Variants in ERVK3-1 observed in about 807,000 individuals in gnomAD.
ERVK3-1 encodes the protein HERV-K(HML6-1).
chr19:58,314,915 G>A, exon 4 of ERVK3-1: 1 of 394,516 alleles, frequency 2.5e-6, no homozygotes, highest in Non-Finnish European at 4.5e-6. Flanking sequence ...ACAGCAAACT[G>A]TTCTCATGAA....
At chr19:58,307,658 A>G (rs975452471) in intron 2 of ERVK3-1, among the ~76,000 whole-genome samples, 9 of 151,512 alleles carry the variant, frequency 5.9e-5, no homozygotes, top group Non-Finnish European at 1.0e-4. Flanking sequence ...AGAAAAAAAA[A>G]CACCAGGACT....
In ERVK3-1 at chr19:58,312,458, G is replaced by T. The variant is rs181975839; in HGVS notation, c.290G>T (p.Cys97Phe). 2.5e-6 allele frequency: 1 copy of T among 400,114 alleles called. No homozygotes were observed. The highest frequency in any genetic ancestry group is 4.4e-6 in the Non-Finnish European group (1 of 226,072). 24.8% of individuals were successfully genotyped at this position (400,114 alleles called of 1,614,324 possible). A position where few individuals can be genotyped will look rare whatever the true frequency, so the allele number is the denominator to read the frequency against. The change falls in exon 3 of 4, where the codon TGT becomes TTT. Residue 97 changes from cysteine to phenylalanine, a missense_variant. Physicochemically the swap from Cys to Phe is radical, Grantham distance 205 (BLOSUM62 -2). Coordinates refer to ENST00000413518, the Ensembl canonical transcript of ERVK3-1. The surrounding 1 kb of genome is among the most constrained non-coding windows in gnomAD (Gnocchi z 4.7). The stretch of plus-strand genomic sequence containing the variant: ...TTGGCCATGCTAGCTGTAGTGTCCT[G>T]TGCGGTATGTTTCCCCTGTGTAGAG...
At chr19:58,307,629 C>T (rs1354073774) in intron 2 of ERVK3-1, among the ~76,000 whole-genome samples, 2 of 150,296 alleles carry the variant, frequency 1.3e-5, no homozygotes, top group Non-Finnish European at 3.0e-5. Flanking sequence ...CCGCCCCGCT[C>T]CCCCCAACAC....
chr19:58,316,662 T>C, downstream of ERVK3-1, among the ~76,000 whole-genome samples: 1 of 152,158 alleles, frequency 6.6e-6, no homozygotes. Context: ...CGAGCGAAAC[T>C]CTGTCTCAAA....
At position 58,313,440 on chromosome 19, in the gene ERVK3-1, C is replaced by T. The variant is rs1287156268; in HGVS notation, c.294+978C>T. ...AGCTGGGATTACAGGCACCCGCCAC[C>T]GTGCCAGGCTATTTTTTGTTTTTTG... On this transcript the variant is annotated intron_variant, in intron 3 of 3. Coordinates refer to ENST00000413518, the Ensembl canonical transcript of ERVK3-1. The surrounding 1 kb of genome is among the most constrained non-coding windows in gnomAD (Gnocchi z 4.5). Among the ~76,000 whole-genome samples the T allele has an allele frequency of 3.9e-5, 6 of 152,120 alleles. No homozygotes were observed. Among genetic ancestry groups the T allele is most frequent in the Non-Finnish European group, 7.3e-5 (5 of 68,034 alleles).
At chr19:58,316,318 CCT>C (rs1568535382), downstream of ERVK3-1, among the ~76,000 whole-genome samples, 1 of 152,098 alleles carries the variant, frequency 6.6e-6, no homozygotes. Context: ...TGAGGCCACC[CCT>C]CTCTTTAAAC....
chr19:58,312,430 T>A lies in ERVK3-1; in HGVS notation c.262T>A (p.Phe88Ile), dbSNP rs2051562505. Residue 88 changes from phenylalanine to isoleucine, a missense_variant, in exon 3 of 4, where the codon TTC becomes ATC. Transcript: ENST00000413518. The surrounding 1 kb of genome is among the most constrained non-coding windows in gnomAD (Gnocchi z 4.7). ...TCAGGCAAAAACCCCTGACTCCATG[T>A]TCTTGGCCATGCTAGCTGTAGTGTC... is the stretch of plus-strand genomic sequence containing the variant. 2.5e-6 allele frequency: 1 copy of A among 400,116 alleles called. No homozygotes were observed. Among genetic ancestry groups the A allele is most frequent in the African/African-American group, 2.1e-5 (1 of 48,640 alleles). The allele number at this position is 400,116 out of a possible 1,614,324, so 24.8% of individuals were successfully genotyped here.
chr19:58,313,208 G>GT lies in ERVK3-1; in HGVS notation c.294+747dup, dbSNP rs2051568271. On this transcript the variant is annotated intron_variant, in intron 3 of 3. Transcript: ENST00000413518. This position sits in a 1 kb window ranked among gnomAD's most constrained non-coding sequence, Gnocchi z 4.5. ...TGGGTCAGAACATTATCCAACAATA[G>GT]TAATATTACTCAACACAGTTTTAAT... is the stretch of plus-strand genomic sequence containing the variant. 1 of 152,174 alleles carries GT rather than the reference G, an allele frequency of 6.6e-6. No individual in the cohort carries two copies. Among genetic ancestry groups the GT allele is most frequent in the Admixed American group, 6.5e-5 (1 of 15,272 alleles). 9.4% of individuals were successfully genotyped at this position (152,174 alleles called of 1,614,324 possible). A position where few individuals can be genotyped will look rare whatever the true frequency, so the allele number is the denominator to read the frequency against.
In ERVK3-1 at chr19:58,314,139, G is replaced by A. The variant is rs535583868; in HGVS notation, c.295-609G>A. Among the ~76,000 whole-genome samples, 3 of 152,290 alleles carry A rather than the reference G, an allele frequency of 2.0e-5. No homozygotes were observed. In the East Asian group the frequency reaches 5.8e-4, roughly 29 times the overall value. ...TGTCATTTCAATCATATTCATATTTGTGTGACCAATTTGGAATAGAACCAA... is the reference window on the plus strand; with the variant it reads ...TGTCATTTCAATCATATTCATATTTATGTGACCAATTTGGAATAGAACCAA... On this transcript the variant is annotated intron_variant, in intron 3 of 3. Coordinates refer to ENST00000413518, the Ensembl canonical transcript of ERVK3-1.
intron 2 of ERVK3-1, among the ~76,000 whole-genome samples, chr19:58,307,372 T>A (rs1381359575): frequency 6.6e-6 from 1 of 152,166 alleles, no homozygotes; most frequent in Non-Finnish European, 1.5e-5. Flanking sequence ...TTAGCACCCG[T>A]GAGATGTACA....
rs761978529 is a variant in ERVK3-1 at position 58,312,518 on chromosome 19, T to G, written c.294+56T>G. The G allele has an allele frequency of 5.4e-4, 214 of 399,516 alleles. No homozygotes were observed. Among genetic ancestry groups the G allele is most frequent in the South Asian group, 1.3e-4 (1 of 7,696 alleles). The allele number at this position is 399,516 out of a possible 1,614,324, so 24.7% of individuals were successfully genotyped here. A position where few individuals can be genotyped will look rare whatever the true frequency, so the allele number is the denominator to read the frequency against. On this transcript the variant is annotated intron_variant, in intron 3 of 3. Transcript: ENST00000413518. The surrounding 1 kb of genome is among the most constrained non-coding windows in gnomAD (Gnocchi z 4.7). Reference sequence around the variant, plus strand: ...TATTGGGCATATGTTCCTAACCCACTGGTAGTACGACTGGTACTCTGGAGC... The same window carrying G: ...TATTGGGCATATGTTCCTAACCCACGGGTAGTACGACTGGTACTCTGGAGC...
chr19:58,306,844 G>T (rs573488177), intron 2 of ERVK3-1, among the ~76,000 whole-genome samples: 1 of 149,706 alleles, frequency 6.7e-6, no homozygotes, highest in African/African-American at 2.6e-5. Flanking sequence ...ATTATTGAAA[G>T]AATTAAAAGC....
chr19:58,314,739 TGC>T lies in ERVK3-1; in HGVS notation c.295-8_295-7del, dbSNP rs1359644735. The T allele has an allele frequency of 2.5e-6, 1 of 400,128 alleles. No homozygotes were observed. The highest frequency in any genetic ancestry group is 4.4e-6 in the Non-Finnish European group (1 of 226,046). 24.8% of individuals were successfully genotyped at this position (400,128 alleles called of 1,614,324 possible). A position where few individuals can be genotyped will look rare whatever the true frequency, so the allele number is the denominator to read the frequency against. On this transcript the variant is annotated splice_polypyrimidine_tract_variant and splice_region_variant and intron_variant, in intron 3 of 3. Coordinates refer to ENST00000413518, the Ensembl canonical transcript of ERVK3-1. ...TAATGTTGTTATGTCTCTGTTTTTT[TGC>T]TCATAGTCTATAGGATCGGGTGAAC...
At chr19:58,308,758 A>C (rs1285716425) in intron 2 of ERVK3-1, among the ~76,000 whole-genome samples, 1 of 152,150 alleles carries the variant, frequency 6.6e-6, no homozygotes, top group Non-Finnish European at 1.5e-5. Context: ...GGGTGGATCA[A>C]TGGCCCCTAT....
At position 58,312,028 on chromosome 19, in the gene ERVK3-1, C is replaced by G; in HGVS notation, c.-3-138C>G. 2.5e-6 allele frequency: 1 copy of G among 397,208 alleles called. No homozygotes were observed. The allele number at this position is 397,208 out of a possible 1,614,324, so 24.6% of individuals were successfully genotyped here. ...CCTGGTACGGATGGCAAGACCCCAG[C>G]AGAACGACACTGGCAACTGCTAGAG... On this transcript the variant is annotated intron_variant, in intron 2 of 3. Transcript: ENST00000413518. The surrounding 1 kb of genome is among the most constrained non-coding windows in gnomAD (Gnocchi z 4.7).
chr19:58,313,089 C>T lies in ERVK3-1; in HGVS notation c.294+627C>T, dbSNP rs2051567429. The T allele has an allele frequency of 6.6e-6, 1 of 152,216 alleles. No homozygotes were observed. Among genetic ancestry groups the T allele is most frequent in the Middle Eastern group, 3.2e-3 (1 of 316 alleles). The allele number at this position is 152,216 out of a possible 1,614,324, so 9.4% of individuals were successfully genotyped here. ...TTGCTTGGTATAGGACAGGCTTTAA[C>T]CCGCCCTTACCTCAGTGACGTCATC... On this transcript the variant is annotated intron_variant, in intron 3 of 3. Transcript: ENST00000413518. The surrounding 1 kb of genome is among the most constrained non-coding windows in gnomAD (Gnocchi z 4.5).
In ERVK3-1 at chr19:58,312,551, C is replaced by T. The variant is rs1004411072; in HGVS notation, c.294+89C>T. The stretch of plus-strand genomic sequence containing the variant: ...CGACTGGTACTCTGGAGCGACACTC[C>T]TCCTGAGATATATTATGATCAGGGA... On this transcript the variant is annotated intron_variant, in intron 3 of 3. Transcript: ENST00000413518. This position sits in a 1 kb window ranked among gnomAD's most constrained non-coding sequence, Gnocchi z 4.7. The T allele has an allele frequency of 1.3e-5, 5 of 398,844 alleles. No homozygotes were observed. The highest frequency in any genetic ancestry group is 6.2e-5 in the African/African-American group (3 of 48,582). The allele number at this position is 398,844 out of a possible 1,614,324, so 24.7% of individuals were successfully genotyped here.
In ERVK3-1 at chr19:58,312,527, G is replaced by A. The variant is rs553564512; in HGVS notation, c.294+65G>A. ...TATGTTCCTAACCCACTGGTAGTAC[G>A]ACTGGTACTCTGGAGCGACACTCCT... On this transcript the variant is annotated intron_variant, in intron 3 of 3. Transcript: ENST00000413518. This position sits in a 1 kb window ranked among gnomAD's most constrained non-coding sequence, Gnocchi z 4.7. 1 of 399,376 alleles carries A rather than the reference G, an allele frequency of 2.5e-6. No individual in the cohort carries two copies. The highest frequency in any genetic ancestry group is 3.6e-5 in the East Asian group (1 of 28,070). The allele number at this position is 399,376 out of a possible 1,614,324, so 24.7% of individuals were successfully genotyped here. A position where few individuals can be genotyped will look rare whatever the true frequency, so the allele number is the denominator to read the frequency against.
At chr19:58,316,331 C>G (rs941825610), downstream of ERVK3-1, among the ~76,000 whole-genome samples, 2 of 152,122 alleles carry the variant, frequency 1.3e-5, no homozygotes, top group Admixed American at 1.3e-4. Context: ...CTCTTTAAAC[C>G]CTCCATCACT....
Sources: gnomAD v4.1 joint callset for allele counts (sites outside exome capture counted in the v4.1 genomes callset) on GRCh38, gnomAD v4.1.1 for gene constraint, Gnocchi (gnomAD v3.1) non-coding constraint, MANE v1.5 for transcripts, NCBI Gene and HGNC (gene_info 2026-07-23, HGNC 2026-07-21) for gene names.